ANKRD13D: variants seen among roughly 807,000 people sequenced by gnomAD.
ANKRD13D encodes the protein ankyrin repeat domain 13D.
ANKRD13D carries 24 observed loss-of-function variants against 68.8 expected under a neutral mutation model. The ratio of observed to expected loss-of-function variants is 0.35; its 90% CI spans 0.25 to 0.49. The LOEUF (loss-of-function observed/expected upper bound fraction) is 0.49, where lower values mean the gene tolerates loss of function less well. Ranked by LOEUF, ANKRD13D falls within the 20% of genes least tolerant of loss-of-function variation. The pLI is 0.99. For missense variants in ANKRD13D, 735 were observed against 832.1 expected, an observed-to-expected ratio of 0.88 and a Z score of 1.44; for synonymous variants, 331 against 336.1, an observed-to-expected ratio of 0.98 and a Z score of 0.16.
chr11:67,302,312 C>T lies in ANKRD13D; in HGVS notation c.1798C>T (p.Leu600=). ...GGAGGACTTACAGCGGATCCTGCAG[C>T]TGTCACTCACTGAGCACTGAGCCAT... The part of the protein sequence containing the change: ...EEEDLQRILQ[L]SLTEH Residue 600 remains leucine, a synonymous_variant, in exon 15 of 15, where the codon CTG becomes TTG. Coordinates refer to ENST00000511455, the MANE Select transcript of ANKRD13D (RefSeq NM_207354.3). 1 of 1,544,090 alleles carries T rather than the reference C, an allele frequency of 6.5e-7. No homozygotes were observed. Among genetic ancestry groups the T allele is most frequent in the Non-Finnish European group, 8.8e-7 (1 of 1,141,092 alleles).
Position 67,301,497 on chromosome 11 carries a change from T to A in ANKRD13D, c.1358T>A (p.Phe453Tyr). Residue 453 changes from phenylalanine to tyrosine, a missense_variant, in exon 13 of 15, where the codon TTC becomes TAC. Coordinates refer to ENST00000511455, the MANE Select transcript of ANKRD13D (RefSeq NM_207354.3). This position sits in a 1 kb window ranked among gnomAD's most constrained non-coding sequence, Gnocchi z 4.5. ...TCTGCCACCTGCCTAGGGAACCCTT[T>A]CCCGTGCGAGGTGGACCCCACCGTG... ...SSAVAASGNP[F>Y]PCEVDPTVFE... 6.2e-7 allele frequency: 1 copy of A among 1,612,666 alleles called. No homozygotes were observed. Among genetic ancestry groups the A allele is most frequent in the Non-Finnish European group, 8.5e-7 (1 of 1,179,614 alleles).
rs1425591000 is a variant in ANKRD13D, at chr11:67,302,247, G to A, written c.1733G>A (p.Arg578Gln). The part of the protein sequence containing the change: ...QLRLALELSS[R>Q]EQEERERRGQ... ...CGCCTGGCCCTGGAGTTGTCTTCAC[G>A]GGAGCAGGAGGAGCGGGAGCGGCGC... The change falls in exon 15 of 15, where the codon CGG becomes CAG. Residue 578 changes from arginine to glutamine, a missense_variant. Transcript: ENST00000511455. The A allele has an allele frequency of 5.7e-6, 9 of 1,573,612 alleles. No individual in the cohort carries two copies. The highest frequency in any genetic ancestry group is 1.3e-5 in the African/African-American group (1 of 74,242).
chr11:67,292,129 C>T lies in ANKRD13D; in HGVS notation c.680C>T (p.Thr227Ile), dbSNP rs751541067. ...GAGGAGCATGTGGCCAGTCGCCTCA[C>T]CTCTCCTATCGTCTCCACCCACCTG... ...PSEEHVASRL[T>I]SPIVSTHLDT... Residue 227 changes from threonine (T) to isoleucine (I), a missense_variant, in exon 6 of 15, where the codon ACC becomes ATC. Coordinates refer to ENST00000511455, the MANE Select transcript of ANKRD13D (RefSeq NM_207354.3). 1 of 1,611,990 alleles carries T rather than the reference C, an allele frequency of 6.2e-7. No homozygotes were observed. Among genetic ancestry groups the T allele is most frequent in the Non-Finnish European group, 8.5e-7 (1 of 1,178,424 alleles).
intron 6 of ANKRD13D, chr11:67,297,884 C>G (rs1860821271): frequency 6.6e-6 from 1 of 151,600 alleles, no homozygotes; most frequent in African/African-American, 2.4e-5. Context: ...TCTGATTTCT[C>G]TTTTGATTTA....
chr11:67,299,640 C>G lies in ANKRD13D; in HGVS notation c.880+29C>G, dbSNP rs1043711301. 3 of 1,549,112 alleles carry G rather than the reference C, an allele frequency of 1.9e-6. No individual in the cohort carries two copies. The African/African-American group carries it at 4.1e-5, about 21-fold the overall frequency. ...AACCCAGGTGCGCCTGCCTGCTGCC[C>G]GGTCACACCGTGTGGTGGGGTCACC... On this transcript the variant is annotated intron_variant, in intron 8 of 14. Transcript: ENST00000511455. The surrounding 1 kb of genome is among the most constrained non-coding windows in gnomAD (Gnocchi z 6.2).
At chr11:67,297,159 ATCT>A (rs1384160480) in intron 6 of ANKRD13D, among the ~76,000 whole-genome samples, 2 of 151,618 alleles carry the variant, frequency 1.3e-5, no homozygotes, top group Non-Finnish European at 2.9e-5. Context: ...TTGATTTGAG[ATCT>A]TCTTTCTTAA....
intron 6 of ANKRD13D, among the ~76,000 whole-genome samples, chr11:67,294,969 T>C (rs1860705671): frequency 6.6e-6 from 1 of 152,250 alleles, no homozygotes; most frequent in African/African-American, 2.4e-5. Context: ...AGTAGATTTT[T>C]AGTGGATTCC....
In ANKRD13D at chr11:67,301,607, G is replaced by A. The variant is rs753008031; in HGVS notation, c.1468G>A (p.Ala490Thr). The A allele has an allele frequency of 1.9e-6, 3 of 1,611,972 alleles. No individual in the cohort carries two copies. Among genetic ancestry groups the A allele is most frequent in the African/African-American group, 2.7e-5 (2 of 74,946 alleles). Residue 490 changes from alanine to threonine, a missense_variant, in exon 13 of 15, where the codon GCC becomes ACC. Ala to Thr is a moderately conservative substitution (Grantham distance 58, BLOSUM62 0). Coordinates refer to ENST00000511455, the MANE Select transcript of ANKRD13D (RefSeq NM_207354.3). The surrounding 1 kb of genome is among the most constrained non-coding windows in gnomAD (Gnocchi z 4.5). ...CGAGGACGATGACCTCCTGCAGTTC[G>A]CCATCCAGCAGAGCCTGCTTGAAGC... is the stretch of plus-strand genomic sequence containing the variant. ...RDEDDDLLQF[A>T]IQQSLLEAGT... is the part of the protein sequence containing the mutation.
Position 67,299,132 on chromosome 11 carries a change from AGGCTAGGGGTGGGG to A in ANKRD13D, c.798+13_798+26del. ...AGCGGCTACGAGGCCAAGGCAGGAG[AGGCTAGGGGTGGGG>A]GGCTGGGGGTAGGAGATGAGGTCCA... On this transcript the variant is annotated intron_variant, in intron 7 of 14. Transcript: ENST00000511455. This position sits in a 1 kb window ranked among gnomAD's most constrained non-coding sequence, Gnocchi z 6.2. The A allele has an allele frequency of 1.6e-6, 1 of 624,330 alleles. No individual in the cohort carries two copies. The highest frequency in any genetic ancestry group is 2.9e-6 in the Non-Finnish European group (1 of 348,972). 38.7% of individuals were successfully genotyped at this position (624,330 alleles called of 1,614,324 possible). A position where few individuals can be genotyped will look rare whatever the true frequency, so the allele number is the denominator to read the frequency against.
intron 6 of ANKRD13D, among the ~76,000 whole-genome samples, chr11:67,294,270 G>T (rs576189805): frequency 1.1e-4 from 17 of 152,230 alleles, no homozygotes; most frequent in African/African-American, 3.9e-4. Flanking sequence ...CCCAGTGTAG[G>T]CAGAATATAT....
At position 67,299,788 on chromosome 11, in the gene ANKRD13D, C is replaced by A; in HGVS notation, c.881-39C>A. 1.3e-6 allele frequency: 2 copies of A among 1,532,642 alleles called. No homozygotes were observed. The highest frequency in any genetic ancestry group is 1.8e-6 in the Non-Finnish European group (2 of 1,139,452). 94.9% of individuals were successfully genotyped at this position (1,532,642 alleles called of 1,614,324 possible). Reference sequence around the variant, plus strand: ...TGGAGGTGGGCAGGGGCGATGCGAGCATTGTGACCCCTTACCAGCTCCCAC... The same window carrying A: ...TGGAGGTGGGCAGGGGCGATGCGAGAATTGTGACCCCTTACCAGCTCCCAC... On this transcript the variant is annotated intron_variant, in intron 8 of 14. Coordinates refer to ENST00000511455, the MANE Select transcript of ANKRD13D (RefSeq NM_207354.3). This position sits in a 1 kb window ranked among gnomAD's most constrained non-coding sequence, Gnocchi z 6.2.
chr11:67,301,671 T>G lies in ANKRD13D; in HGVS notation c.1512+20T>G, dbSNP rs1590876675. On this transcript the variant is annotated intron_variant, in intron 13 of 14. Coordinates refer to ENST00000511455, the MANE Select transcript of ANKRD13D (RefSeq NM_207354.3). This position sits in a 1 kb window ranked among gnomAD's most constrained non-coding sequence, Gnocchi z 4.5. ...GAGCAGGTGGGACTTGCCCAGGGGGTGGGCTCTGGCCTCTGCAGCCACACG... is the reference window on the plus strand; with the variant it reads ...GAGCAGGTGGGACTTGCCCAGGGGGGGGGCTCTGGCCTCTGCAGCCACACG... 6.2e-7 allele frequency: 1 copy of G among 1,611,088 alleles called. No homozygotes were observed. Among genetic ancestry groups the G allele is most frequent in the Non-Finnish European group, 8.5e-7 (1 of 1,179,468 alleles).
Position 67,301,715 on chromosome 11 carries a change from G to A in ANKRD13D, c.1513-17G>A. The A allele has an allele frequency of 6.2e-7, 1 of 1,611,404 alleles. No individual in the cohort carries two copies. The highest frequency in any genetic ancestry group is 8.5e-7 in the Non-Finnish European group (1 of 1,179,650). On this transcript the variant is annotated splice_polypyrimidine_tract_variant and intron_variant, in intron 13 of 14. Coordinates refer to ENST00000511455, the MANE Select transcript of ANKRD13D (RefSeq NM_207354.3). The surrounding 1 kb of genome is among the most constrained non-coding windows in gnomAD (Gnocchi z 4.5). ...CCACACGGCAGAAGTGACAGCTGTG[G>A]GCTCTGGTGGCTGCAGGTGACCGTC...
rs764189057 is a variant in ANKRD13D at position 67,299,109 on chromosome 11, C to T, written c.783C>T (p.Ser261=). 4.5e-6 allele frequency: 7 copies of T among 1,555,164 alleles called. No individual in the cohort carries two copies. The highest frequency in any genetic ancestry group is 2.3e-5 in the East Asian group (1 of 43,952). ...GWRSEKMETV[S]GYEAKVYSAT... is the part of the protein sequence containing the mutation. ...GGTCTGAGAAGATGGAAACTGTTAG[C>T]GGCTACGAGGCCAAGGCAGGAGAGG... is the stretch of plus-strand genomic sequence containing the variant. Residue 261 remains serine (S), a synonymous_variant, in exon 7 of 15, where the codon AGC becomes AGT. Coordinates refer to ENST00000511455, the MANE Select transcript of ANKRD13D (RefSeq NM_207354.3). This position sits in a 1 kb window ranked among gnomAD's most constrained non-coding sequence, Gnocchi z 6.2.
intron 6 of ANKRD13D, among the ~76,000 whole-genome samples, chr11:67,295,466 T>C (rs996340065): frequency 6.6e-6 from 1 of 151,582 alleles, no homozygotes; most frequent in Admixed American, 6.6e-5. Context: ...GGTTCACGCC[T>C]GTAATCCCAG....
rs190522530 is a variant in ANKRD13D, at chr11:67,289,713, C to G, written c.90+163C>G. ...CCAAGCCCAGGTCACCGGCCCCTCG[C>G]GCCTGAGCCTCTGGCCTCCTCTCCC... On this transcript the variant is annotated intron_variant, in intron 1 of 14. Transcript: ENST00000511455. 4.9e-4 allele frequency: 670 copies of G among 1,354,452 alleles called. 2 individuals are homozygous for G. The African/African-American group carries it at 8.9e-3, about 18-fold the overall frequency. 83.9% of individuals were successfully genotyped at this position (1,354,452 alleles called of 1,614,324 possible).
intron 6 of ANKRD13D, chr11:67,298,463 C>T (rs998349557): frequency 6.4e-6 from 1 of 156,246 alleles, no homozygotes; most frequent in Non-Finnish European, 1.4e-5. Flanking sequence ...GTGTTCTAGC[C>T]TGCTTATGAA....
Position 67,290,451 on chromosome 11 carries a change from A to G in ANKRD13D, c.351+5A>G, listed in dbSNP as rs1168902491. 7.6e-6 allele frequency: 12 copies of G among 1,572,588 alleles called. No individual in the cohort carries two copies. The highest frequency in any genetic ancestry group is 2.3e-4 in the Middle Eastern group (1 of 4,404). On this transcript the variant is annotated splice_donor_5th_base_variant and intron_variant, in intron 3 of 14. Transcript: ENST00000511455. ...CTGCTCAACAAACTTCGCCAGGTACAGCAGGGCACAGTTATGGAGGTGGGG... is the reference window on the plus strand; with the variant it reads ...CTGCTCAACAAACTTCGCCAGGTACGGCAGGGCACAGTTATGGAGGTGGGG...
Position 67,301,635 on chromosome 11 carries a change from G to T in ANKRD13D, c.1496G>T (p.Gly499Val), listed in dbSNP as rs534583439. 2 of 1,612,314 alleles carry T rather than the reference G, an allele frequency of 1.2e-6. No individual in the cohort carries two copies. Among genetic ancestry groups the T allele is most frequent in the Non-Finnish European group, 1.7e-6 (2 of 1,179,876 alleles). Residue 499 changes from glycine (G) to valine (V), a missense_variant, in exon 13 of 15, where the codon GGC becomes GTC. Gly to Val is a moderately radical substitution (Grantham distance 109). Transcript: ENST00000511455. This position sits in a 1 kb window ranked among gnomAD's most constrained non-coding sequence, Gnocchi z 4.5. ...ATCCAGCAGAGCCTGCTTGAAGCGGGCACTGAGGCGGAGCAGGTGGGACTT... is the reference window on the plus strand; with the variant it reads ...ATCCAGCAGAGCCTGCTTGAAGCGGTCACTGAGGCGGAGCAGGTGGGACTT... ...FAIQQSLLEA[G>V]TEAEQVTVWE...
Sources: allele counts gnomAD v4.1 joint callset (sites outside exome capture counted in the v4.1 genomes callset), GRCh38; gene constraint gnomAD v4.1.1; non-coding constraint Gnocchi (gnomAD v3.1); transcripts MANE v1.5; gene names NCBI Gene and HGNC (gene_info 2026-07-23, HGNC 2026-07-21).